ANXA2: variants seen among roughly 807,000 people sequenced by gnomAD.
ANXA2 encodes annexin A2.
In ANXA2, 28 loss-of-function variants were observed where a neutral mutation model predicts 47.3. The ratio of observed to expected loss-of-function variants is 0.59; its 90% CI spans 0.44 to 0.81. The LOEUF is 0.81. Among genes scored for constraint, ANXA2 ranks in the 40% least tolerant of loss-of-function variants. The pLI is 0.00. For missense variants in ANXA2, 384 were observed against 414.3 expected, an observed-to-expected ratio of 0.93 and a Z score of 0.64; for synonymous variants, 172 against 155.5, an observed-to-expected ratio of 1.11 and a Z score of -0.79.
intron 1 of ANXA2, chr15:60,395,738 T>C (rs1402229162): frequency 6.6e-6 from 1 of 152,210 alleles, no homozygotes; most frequent in Non-Finnish European, 1.5e-5. Flanking sequence ...TCAAAGTCAG[T>C]GAGTCAGCAA....
intron 3 of ANXA2, among the ~76,000 whole-genome samples, chr15:60,381,746 T>C (rs898416350): frequency 5.9e-5 from 9 of 152,132 alleles, no homozygotes; most frequent in African/African-American, 2.2e-4. Flanking sequence ...ACTCTCTAGA[T>C]CAATCTAAGA....
intron 3 of ANXA2, among the ~76,000 whole-genome samples, chr15:60,379,700 A>C (rs2062828942): frequency 6.6e-6 from 1 of 152,232 alleles, no homozygotes; most frequent in Non-Finnish European, 1.5e-5. Context: ...AATGTTCCTG[A>C]AGTGCCTGGT....
chr15:60,347,779 A>C, intron 12 of ANXA2, 90 bp from the exon 13 acceptor site: 1 of 1,139,078 alleles, frequency 8.8e-7, no homozygotes, highest in Non-Finnish European at 1.3e-6. Context: ...CGCACAATGA[A>C]GCTTCTCCCA....
rs769141986 is a variant in ANXA2 at position 60,347,265 on chromosome 15, C to G, written c.*365G>C. The G allele has an allele frequency of 3.7e-6, 1 of 268,648 alleles. No homozygotes were observed. The highest frequency in any genetic ancestry group is 7.2e-6 in the Non-Finnish European group (1 of 139,754). The allele number at this position is 268,648 out of a possible 1,614,324, so 16.6% of individuals were successfully genotyped here. ...CTTTCTTCCTACAGGGACAGCCTCA[C>G]CAGCTGAACCCCAAGCACGTTTAAT... On this transcript the variant is annotated 3_prime_UTR_variant, in exon 13 of 13. Coordinates refer to ENST00000451270, the MANE Select transcript of ANXA2 (RefSeq NM_004039.3).
At chr15:60,379,688 T>G (rs1465079296) in intron 3 of ANXA2, among the ~76,000 whole-genome samples, 1 of 152,232 alleles carries the variant, frequency 6.6e-6, no homozygotes. Flanking sequence ...TCATCTAAGA[T>G]GAATGTTCCT....
rs760126321 is a variant in ANXA2 at position 60,386,131 on chromosome 15, T to C, written c.-11-45A>G. ...AAAAGTCTTTATGAAGAGGCTCTCC[T>C]TTACTCTGAAGCACAGCGATTCATT... On this transcript the variant is annotated intron_variant, in intron 1 of 12. Transcript: ENST00000451270. 33 of 1,321,726 alleles carry C rather than the reference T, an allele frequency of 2.5e-5. No homozygotes were observed. The South Asian group carries it at 3.8e-4, about 15-fold the overall frequency. The allele number at this position is 1,321,726 out of a possible 1,614,324, so 81.9% of individuals were successfully genotyped here.
At chr15:60,395,877 T>C (rs1488391425) in intron 1 of ANXA2, 1 of 152,214 alleles carries the variant, frequency 6.6e-6, no homozygotes, top group Non-Finnish European at 1.5e-5. Context: ...CCACTGCAGA[T>C]GCAAGGGACA....
Position 60,364,487 on chromosome 15 carries a change from T to C in ANXA2, c.185A>G (p.Asn62Ser), listed in dbSNP as rs1000291029. 6 of 1,613,242 alleles carry C rather than the reference T, an allele frequency of 3.7e-6. No homozygotes were observed. Among genetic ancestry groups the C allele is most frequent in the East Asian group, 4.5e-5 (2 of 44,878 alleles). The change falls in exon 4 of 13, where the codon AAC becomes AGC. Residue 62 changes from asparagine (N) to serine (S), a missense_variant. Coordinates refer to ENST00000451270, the MANE Select transcript of ANXA2 (RefSeq NM_004039.3). ...DEVTIVNILTNRSNAQRQDIA... is the reference protein window; with the variant it reads ...DEVTIVNILTSRSNAQRQDIA... ...ATCCTGTCTCTGTGCATTGCTGCGG[T>C]TGGTCAAAATGTTGACAATGGTGAC...
At chr15:60,384,175 C>A (rs2062902112) in intron 2 of ANXA2, 1 of 152,164 alleles carries the variant, frequency 6.6e-6, no homozygotes, top group Non-Finnish European at 1.5e-5. Flanking sequence ...GCTATGGTAG[C>A]TATAAAATGT....
chr15:60,366,692 C>T (rs2062613741), intron 3 of ANXA2, among the ~76,000 whole-genome samples: 1 of 141,206 alleles, frequency 7.1e-6, no homozygotes, highest in East Asian at 2.3e-4. Context: ...GTCAGCCCCC[C>T]GCCCGGCCAG....
At position 60,379,493 on chromosome 15, in the gene ANXA2, A is replaced by G. The variant is rs78889555; in HGVS notation, c.148+2849T>C. On this transcript the variant is annotated intron_variant, in intron 3 of 12. Coordinates refer to ENST00000451270, the MANE Select transcript of ANXA2 (RefSeq NM_004039.3). ...AAAAAAATCCAAGGCAATGAAAAAA[A>G]TCCATTCCTCACAGGTGAGTGCTAC... Among the ~76,000 whole-genome samples, 396 of 151,604 alleles carry G rather than the reference A, an allele frequency of 2.6e-3. 1 individual carries two copies. The highest frequency in any genetic ancestry group is 9.1e-3 in the African/African-American group (373 of 40,904).
At chr15:60,371,079 G>A (rs1258870756) in intron 3 of ANXA2, among the ~76,000 whole-genome samples, 1 of 152,186 alleles carries the variant, frequency 6.6e-6, no homozygotes, top group Non-Finnish European at 1.5e-5. Flanking sequence ...CAACATTGGT[G>A]AGGAACCAAG....
Position 60,352,269 on chromosome 15 carries a change from G to A in ANXA2, c.682+114C>T. The A allele has an allele frequency of 4.5e-6, 3 of 662,700 alleles. No individual in the cohort carries two copies. Among genetic ancestry groups the A allele is most frequent in the East Asian group, 5.5e-5 (2 of 36,484 alleles). The allele number at this position is 662,700 out of a possible 1,614,324, so 41.1% of individuals were successfully genotyped here. On this transcript the variant is annotated intron_variant, in intron 9 of 12. Coordinates refer to ENST00000451270, the MANE Select transcript of ANXA2 (RefSeq NM_004039.3). The surrounding 1 kb of genome is among the most constrained non-coding windows in gnomAD (Gnocchi z 4.2). ...AGGGAAAATGGGTGAGCCTATGAGAGTGCCAAGCGGAGACAGAACCTCATT... is the reference window on the plus strand; with the variant it reads ...AGGGAAAATGGGTGAGCCTATGAGAATGCCAAGCGGAGACAGAACCTCATT...
At chr15:60,372,238 C>T (rs1285192286) in intron 3 of ANXA2, among the ~76,000 whole-genome samples, 1 of 152,114 alleles carries the variant, frequency 6.6e-6, no homozygotes, top group South Asian at 2.1e-4. Context: ...CTATCACGTA[C>T]TTCTCACCAC....
In ANXA2 at chr15:60,347,654, C is replaced by G. The variant is rs757040722; in HGVS notation, c.996G>C (p.Leu332=). 3 of 1,614,200 alleles carry G rather than the reference C, an allele frequency of 1.9e-6. No individual in the cohort carries two copies. Among genetic ancestry groups the G allele is most frequent in the Admixed American group, 1.7e-5 (1 of 60,028 alleles). The change falls in exon 13 of 13, where the codon CTG becomes CTC. Residue 332 remains leucine, a synonymous_variant. Coordinates refer to ENST00000451270, the MANE Select transcript of ANXA2 (RefSeq NM_004039.3). ...TTCAGTCATCTCCACCACACAGGTA[C>G]AGCAGCGCTTTCTGGTAGTCGCCCT... is the stretch of plus-strand genomic sequence containing the variant. The part of the protein sequence containing the change: ...DTKGDYQKAL[L]YLCGGDD
At chr15:60,369,480 A>G (rs1426378878) in intron 3 of ANXA2, among the ~76,000 whole-genome samples, 2 of 152,242 alleles carry the variant, frequency 1.3e-5, no homozygotes. Context: ...CCAGAAGTCA[A>G]CCTAGGGGCC....
intron 5 of ANXA2, among the ~76,000 whole-genome samples, chr15:60,359,210 G>C (rs764590159): frequency 3.9e-5 from 6 of 152,142 alleles, no homozygotes; most frequent in Non-Finnish European, 8.8e-5. Flanking sequence ...ACCTTCCATT[G>C]GGCCCAATTA....
intron 1 of ANXA2, among the ~76,000 whole-genome samples, chr15:60,392,860 T>C (rs989306590): frequency 9.9e-5 from 15 of 151,366 alleles, no homozygotes; most frequent in Non-Finnish European, 1.9e-4. Flanking sequence ...GGTGGGAGTG[T>C]GGAGAGTTGG....
At chr15:60,377,317 T>C (rs541324587) in intron 3 of ANXA2, among the ~76,000 whole-genome samples, 2 of 152,248 alleles carry the variant, frequency 1.3e-5, no homozygotes, top group Non-Finnish European at 2.9e-5. Flanking sequence ...GACTTCATTT[T>C]TGTTTTTAAT....
Sources: allele counts gnomAD v4.1 joint callset (sites outside exome capture counted in the v4.1 genomes callset), GRCh38; gene constraint gnomAD v4.1.1; non-coding constraint Gnocchi (gnomAD v3.1); transcripts MANE v1.5; gene names NCBI Gene and HGNC (gene_info 2026-07-23, HGNC 2026-07-21).